Variants in RIT2 observed in about 807,000 individuals in gnomAD.
RIT2 encodes the protein Ras like without CAAX 2, also known as GTP-binding protein Rit2.
Under a neutral mutation model 23.7 loss-of-function variants are expected in RIT2, and 24 were observed. The observed-to-expected ratio is 1.01, with a 90% CI of 0.73 to 1.43. The LOEUF (loss-of-function observed/expected upper bound fraction) is 1.43, where lower values mean the gene tolerates loss of function less well. Ranked by LOEUF, RIT2 falls within the 40% of genes most tolerant of loss-of-function variation. The probability of loss-of-function intolerance (pLI) is 0.00; values close to 1 mark genes in which losing one functional copy is unlikely to be tolerated. For missense variants in RIT2, 236 were observed against 266.9 expected (o/e 0.88, Z 0.81); for synonymous variants, 107 against 91.1 (o/e 1.17, Z -0.99).
chr18:42,875,141 G>A (rs954229286), intron 4 of RIT2, among the ~76,000 whole-genome samples: 4 of 151,760 alleles, frequency 2.6e-5, no homozygotes, highest in African/African-American at 9.7e-5. Context: ...CCCACTTCCT[G>A]CCATTCATTT....
chr18:42,914,402 G>A (rs890822531), intron 4 of RIT2, among the ~76,000 whole-genome samples: 1 of 152,054 alleles, frequency 6.6e-6, no homozygotes, highest in African/African-American at 2.4e-5. Flanking sequence ...AAATGTCCCT[G>A]AAAGGGTGAA....
intron 4 of RIT2, among the ~76,000 whole-genome samples, chr18:42,840,392 T>C (rs920690027): frequency 2.0e-5 from 3 of 152,254 alleles, no homozygotes; most frequent in Non-Finnish European, 4.4e-5. Context: ...ATTTACTATA[T>C]GCCAAGAACT....
rs145843442 is a variant in RIT2 at position 42,991,921 on chromosome 18, A to T, written c.161-17774T>A. ...ATTAAAAGCTTTATTGCTCACACAAAGCCTGTTTTGTGGTCTCTTCACACA... is the reference window on the plus strand; with the variant it reads ...ATTAAAAGCTTTATTGCTCACACAATGCCTGTTTTGTGGTCTCTTCACACA... On this transcript the variant is annotated intron_variant, in intron 2 of 4. Coordinates refer to ENST00000326695, the MANE Select transcript of RIT2 (RefSeq NM_002930.4). 4.0e-3 allele frequency among the ~76,000 whole-genome samples: 616 copies of T among 152,220 alleles called. 4 individuals are homozygous for T. Among genetic ancestry groups the T allele is most frequent in the African/African-American group, 0.013 (529 of 41,528 alleles).
At chr18:42,800,193 C>T (rs561155798) in intron 4 of RIT2, among the ~76,000 whole-genome samples, 5 of 152,218 alleles carry the variant, frequency 3.3e-5, no homozygotes, top group Admixed American at 2.6e-4. Context: ...ACTACAAATT[C>T]GATCATTTCT....
intron 3 of RIT2, among the ~76,000 whole-genome samples, chr18:42,931,439 T>G (rs1249003260): frequency 1.3e-5 from 2 of 152,142 alleles, no homozygotes; most frequent in African/African-American, 4.8e-5. Context: ...TGTTCCTTAT[T>G]TCATTCTCTA....
intron 1 of RIT2, among the ~76,000 whole-genome samples, chr18:43,105,100 C>CTCTGTGTG (rs55751225): frequency 0.078 from 11,140 of 142,974 alleles, 534 homozygotes; most frequent in East Asian, 0.24. Context: ...AGGCAGTGTG[C>CTCTGTGTG]TGTGTGTGTG....
At chr18:43,101,602 T>A (rs146077260) in intron 1 of RIT2, among the ~76,000 whole-genome samples, 1,754 of 152,262 alleles carry the variant, frequency 0.012, 36 homozygotes, top group African/African-American at 0.039. Context: ...GAACTGAATT[T>A]CAATGCATGC....
intron 4 of RIT2, among the ~76,000 whole-genome samples, chr18:42,751,223 C>A (rs957285319): frequency 2.0e-5 from 3 of 151,614 alleles, no homozygotes; most frequent in South Asian, 2.1e-4. Flanking sequence ...TTATTTCCAC[C>A]AACATAGAAA....
intron 4 of RIT2, among the ~76,000 whole-genome samples, chr18:42,912,349 G>T (rs1908791209): frequency 6.6e-6 from 1 of 151,772 alleles, no homozygotes; most frequent in Non-Finnish European, 1.5e-5. Context: ...TGAATGCTTT[G>T]CTTCTAAGAT....
intron 2 of RIT2, among the ~76,000 whole-genome samples, chr18:43,027,991 T>G (rs897512229): frequency 6.6e-6 from 1 of 152,124 alleles, no homozygotes; most frequent in Non-Finnish European, 1.5e-5. Context: ...AAACATGCAC[T>G]GTGTGAGGTC....
At chr18:42,892,718 A>G (rs1908214775) in intron 4 of RIT2, among the ~76,000 whole-genome samples, 1 of 152,188 alleles carries the variant, frequency 6.6e-6, no homozygotes, top group Middle Eastern at 3.2e-3. Context: ...AAGAGTATCT[A>G]TTTTTCTTTG....
intron 1 of RIT2, among the ~76,000 whole-genome samples, chr18:43,056,752 C>T (rs1912511916): frequency 6.6e-6 from 1 of 152,066 alleles, no homozygotes; most frequent in African/African-American, 2.4e-5. Flanking sequence ...TTGAGTTGCT[C>T]CAGGCATTAG....
intron 1 of RIT2, among the ~76,000 whole-genome samples, chr18:43,094,892 ATT>A (rs5824468): frequency 6.7e-6 from 1 of 149,340 alleles, no homozygotes; most frequent in South Asian, 2.1e-4. Context: ...ACACGAACTC[ATT>A]TTTTTTTTAT....
At chr18:42,760,812 C>A (rs747920034) in intron 4 of RIT2, among the ~76,000 whole-genome samples, 103 of 152,280 alleles carry the variant, frequency 6.8e-4, no homozygotes, top group Non-Finnish European at 1.1e-3. Flanking sequence ...ATTCATTTAA[C>A]GCATGGCTGG....
At chr18:42,910,825 C>T (rs186847727) in intron 4 of RIT2, among the ~76,000 whole-genome samples, 1 of 151,938 alleles carries the variant, frequency 6.6e-6, no homozygotes, top group Non-Finnish European at 1.5e-5. Context: ...GAGCAAAAAC[C>T]GATAGAGCAG....
intron 1 of RIT2, among the ~76,000 whole-genome samples, chr18:43,048,291 A>G (rs917903981): frequency 6.6e-6 from 1 of 152,226 alleles, no homozygotes; most frequent in Non-Finnish European, 1.5e-5. Flanking sequence ...GCATGTATTC[A>G]TTAAAAATTG....
chr18:42,949,356 T>C (rs897054493), intron 3 of RIT2, among the ~76,000 whole-genome samples: 1 of 152,058 alleles, frequency 6.6e-6, no homozygotes, highest in African/African-American at 2.4e-5. Context: ...ATGCATACCA[T>C]AGTAAATTAT....
chr18:42,886,064 A>T (rs535946109), intron 4 of RIT2, among the ~76,000 whole-genome samples: 1 of 152,256 alleles, frequency 6.6e-6, no homozygotes, highest in South Asian at 2.1e-4. Context: ...ATTCTTCTCA[A>T]TTTTTTCCTT....
chr18:42,930,076 T>C (rs561262239), intron 3 of RIT2, among the ~76,000 whole-genome samples: 1 of 152,252 alleles, frequency 6.6e-6, no homozygotes, highest in East Asian at 1.9e-4. Context: ...ATGACTCATA[T>C]AAAGAGGTGG....
Sources: allele counts gnomAD v4.1 joint callset (sites outside exome capture counted in the v4.1 genomes callset), GRCh38; gene constraint gnomAD v4.1.1; transcripts MANE v1.5; gene names NCBI Gene and HGNC (gene_info 2026-07-23, HGNC 2026-07-21).